The following STK39 variants were observed in gnomAD, a reference collection of about 807,000 sequenced individuals.
STK39 encodes the protein STE20/SPS1-related proline-alanine-rich protein kinase.
Under a neutral mutation model 77.8 loss-of-function variants are expected in STK39, and 20 were observed. The ratio of observed to expected loss-of-function variants is 0.26; its 90% CI spans 0.18 to 0.37. The LOEUF is 0.37. Among genes scored for constraint, STK39 ranks in the 10% least tolerant of loss-of-function variants. The probability of loss-of-function intolerance (pLI) is 1.00; values close to 1 mark genes in which losing one functional copy is unlikely to be tolerated. For synonymous variants in STK39, 246 were observed against 234.1 expected, an observed-to-expected ratio of 1.05 and a Z score of -0.47; for missense variants, 479 against 656.5, an observed-to-expected ratio of 0.73 and a Z score of 2.95.
At chr2:168,151,037 C>T (rs6759844) in intron 5 of STK39, among the ~76,000 whole-genome samples, 63,405 of 151,800 alleles carry the variant, frequency 0.42, 14,894 homozygotes, top group East Asian at 0.67. Flanking sequence ...ATGCCATGGG[C>T]CCCAACCATG....
chr2:168,007,234 TATTTCATA>T (rs1343526101), intron 16 of STK39, among the ~76,000 whole-genome samples: 1 of 152,234 alleles, frequency 6.6e-6, no homozygotes, highest in Non-Finnish European at 1.5e-5. Flanking sequence ...CAGGTGAACT[TATTTCATA>T]TTTGCAAACA....
intron 1 of STK39, among the ~76,000 whole-genome samples, chr2:168,209,251 T>C (rs567757988): frequency 6.6e-6 from 1 of 152,226 alleles, no homozygotes; most frequent in Admixed American, 6.5e-5. Context: ...TTTTAATAAG[T>C]TAGATTTTTT....
intron 1 of STK39, among the ~76,000 whole-genome samples, chr2:168,212,444 A>G (rs1448427021): frequency 1.3e-5 from 2 of 152,312 alleles, no homozygotes; most frequent in East Asian, 3.9e-4. Context: ...TGCCTTGGCC[A>G]ACTCTCCTGA....
intron 16 of STK39, among the ~76,000 whole-genome samples, chr2:168,005,345 AC>A (rs1684104694): frequency 6.6e-6 from 1 of 151,912 alleles, no homozygotes; most frequent in Non-Finnish European, 1.5e-5. Context: ...TTCCCAAGAG[AC>A]CAGACTCAAA....
At chr2:168,072,483 A>C (rs1336802983) in intron 12 of STK39, among the ~76,000 whole-genome samples, 14 of 151,912 alleles carry the variant, frequency 9.2e-5, no homozygotes, top group Non-Finnish European at 2.9e-5. Context: ...TCTTTCTATC[A>C]CTCCTATTCC....
intron 2 of STK39, among the ~76,000 whole-genome samples, chr2:168,176,482 C>T (rs1220603296): frequency 6.6e-6 from 1 of 152,064 alleles, no homozygotes; most frequent in Non-Finnish European, 1.5e-5. Context: ...CTTTATTCTC[C>T]AATAACCCAC....
rs71927823 is a variant in STK39, at chr2:168,091,150, GCACACA to G, written c.1090-15925_1090-15920del. On this transcript the variant is annotated intron_variant, in intron 10 of 17. Coordinates refer to ENST00000355999, the MANE Select transcript of STK39 (RefSeq NM_013233.3). ...TGTGAGGATAGAAACACAAACAGGT[GCACACA>G]CACACACACACACACACACACACAC... Among the ~76,000 whole-genome samples the G allele has an allele frequency of 2.9e-3, 432 of 147,622 alleles. 3 individuals carry two copies. The highest frequency in any genetic ancestry group is 6.1e-3 in the African/African-American group (246 of 40,018).
In STK39 at chr2:168,202,071, T is replaced by A. The variant is rs1055974964; in HGVS notation, c.209-19981A>T. Among the ~76,000 whole-genome samples the A allele has an allele frequency of 4.6e-4, 70 of 152,298 alleles. 1 individual carries two copies. The highest frequency in any genetic ancestry group is 1.5e-3 in the African/African-American group (62 of 41,570). Reference sequence around the variant, plus strand: ...CCCCCGCCCCCGCTACATGCTCACCTGGTTGCCATAAGGCCAGGATTTCTC... The same window carrying A: ...CCCCCGCCCCCGCTACATGCTCACCAGGTTGCCATAAGGCCAGGATTTCTC... On this transcript the variant is annotated intron_variant, in intron 1 of 17. Transcript: ENST00000355999.
At chr2:168,014,235 A>G (rs1446768516) in intron 15 of STK39, among the ~76,000 whole-genome samples, 1 of 152,192 alleles carries the variant, frequency 6.6e-6, no homozygotes, top group African/African-American at 2.4e-5. Flanking sequence ...CTGTAATTCC[A>G]GCACTTTAGG....
intron 1 of STK39, among the ~76,000 whole-genome samples, chr2:168,242,470 A>C (rs966171556): frequency 6.7e-6 from 1 of 148,152 alleles, no homozygotes; most frequent in Non-Finnish European, 1.5e-5. Context: ...AACTGCTTGG[A>C]CCTAGGAGGC....
intron 14 of STK39, among the ~76,000 whole-genome samples, chr2:168,025,687 TTG>T (rs1684678367): frequency 1.3e-5 from 2 of 152,214 alleles, no homozygotes; most frequent in South Asian, 4.1e-4. Flanking sequence ...GGGAAAATTG[TTG>T]TACTTAATGA....
intron 2 of STK39, among the ~76,000 whole-genome samples, chr2:168,167,885 T>C (rs1419592803): frequency 6.6e-6 from 1 of 152,196 alleles, no homozygotes; most frequent in East Asian, 1.9e-4. Context: ...ACTGCTGTGA[T>C]GGTAAATGAG....
At chr2:168,140,896 A>G (rs994236630) in intron 5 of STK39, 138 bp from the exon 6 acceptor site, 6 of 631,092 alleles carry the variant, frequency 9.5e-6, no homozygotes, top group Non-Finnish European at 1.6e-5. Context: ...GTGCTCTCTC[A>G]GGAAAAAAAA....
At chr2:168,098,326 C>G (rs1458803830) in intron 10 of STK39, among the ~76,000 whole-genome samples, 2 of 152,220 alleles carry the variant, frequency 1.3e-5, no homozygotes, top group Non-Finnish European at 2.9e-5. Flanking sequence ...GCGTCCTTTA[C>G]TTCCCTCTAA....
intron 10 of STK39, among the ~76,000 whole-genome samples, chr2:168,089,999 A>G (rs1389590089): frequency 6.6e-6 from 1 of 152,228 alleles, no homozygotes; most frequent in East Asian, 1.9e-4. Context: ...TTTTGAATGC[A>G]TAGTAATGTA....
chr2:168,071,463 CT>C (rs1247383641), intron 12 of STK39, among the ~76,000 whole-genome samples: 2 of 152,110 alleles, frequency 1.3e-5, no homozygotes, highest in African/African-American at 4.8e-5. Context: ...TGTAAATACT[CT>C]GGCATTTAAA....
At chr2:168,057,221 C>T (rs552376413) in intron 14 of STK39, among the ~76,000 whole-genome samples, 3 of 152,326 alleles carry the variant, frequency 2.0e-5, no homozygotes, top group Admixed American at 6.5e-5. Flanking sequence ...GAGACAGAGT[C>T]TCGCTCTGTC....
chr2:168,219,894 T>C (rs1009965979), intron 1 of STK39, among the ~76,000 whole-genome samples: 4 of 152,028 alleles, frequency 2.6e-5, no homozygotes, highest in African/African-American at 9.7e-5. Flanking sequence ...TTGCAAATTT[T>C]GATTTACAAG....
intron 14 of STK39, among the ~76,000 whole-genome samples, chr2:168,042,543 G>A (rs1685133107): frequency 6.6e-6 from 1 of 151,618 alleles, no homozygotes; most frequent in Non-Finnish European, 1.5e-5. Context: ...AGTAACAACA[G>A]GTTTGAAGGA....
Sources: allele counts gnomAD v4.1 joint callset (sites outside exome capture counted in the v4.1 genomes callset), GRCh38; gene constraint gnomAD v4.1.1; transcripts MANE v1.5; gene names NCBI Gene and HGNC (gene_info 2026-07-23, HGNC 2026-07-21).